Variants in TENM1 observed in about 807,000 individuals in gnomAD.
The protein encoded by TENM1 is teneurin-1.
TENM1 carries 35 observed loss-of-function variants against 174.8 expected under a neutral mutation model. The observed-to-expected ratio is 0.20, with a 90% confidence interval of 0.15 to 0.27. The LOEUF is 0.27. TENM1 is among the 10% of genes least tolerant of loss of function. TENM1 has a pLI of 1.00. For missense variants in TENM1, 1,633 were observed against 2,130.1 expected (o/e 0.77, Z 4.59); for synonymous variants, 781 against 798.7 (o/e 0.98, Z 0.37).
the TENM1 span, among the ~76,000 whole-genome samples, chrX:125,141,394 C>A: frequency 8.9e-6 from 1 of 111,955 alleles, no homozygotes; most frequent in East Asian, 2.8e-4. Context: ...AAAAACTATG[C>A]ACTCACAGAG....
At chrX:124,827,813 C>A (rs1361350978) in intron 3 of TENM1, among the ~76,000 whole-genome samples, 1 of 112,121 alleles carries the variant, frequency 8.9e-6, no homozygotes, top group East Asian at 2.8e-4. Context: ...AAGAAATTAA[C>A]ATACAACTTA....
chrX:125,081,837 G>A, the TENM1 span, among the ~76,000 whole-genome samples: 1 of 111,072 alleles, frequency 9.0e-6, no homozygotes, highest in African/African-American at 3.3e-5. Flanking sequence ...CTTGTTTTTT[G>A]CAGCAATATG....
chrX:124,976,919 C>G, the TENM1 span, among the ~76,000 whole-genome samples: 2 of 112,047 alleles, frequency 1.8e-5, no homozygotes, highest in Non-Finnish European at 3.8e-5. Flanking sequence ...GAACATAGCA[C>G]AAATAGAACT....
intron 23 of TENM1, among the ~76,000 whole-genome samples, chrX:124,450,791 G>T (rs1052720488): frequency 3.6e-5 from 4 of 111,812 alleles, no homozygotes; most frequent in African/African-American, 1.3e-4. Context: ...TTTCCCCTTT[G>T]CCAGTGACTG....
intron 13 of TENM1, among the ~76,000 whole-genome samples, chrX:124,562,140 A>G (rs1003646329): frequency 1.8e-5 from 2 of 111,810 alleles, no homozygotes; most frequent in Non-Finnish European, 3.8e-5. Context: ...CCTCATCTCA[A>G]TCAAAACTAT....
intron 6 of TENM1, among the ~76,000 whole-genome samples, chrX:124,665,560 T>A (rs1446769042): frequency 1.8e-5 from 2 of 112,664 alleles, no homozygotes; most frequent in African/African-American, 6.4e-5. Context: ...TTACAAACTT[T>A]ATAGATATAC....
chrX:124,997,381 A>G, the TENM1 span, among the ~76,000 whole-genome samples: 6 of 111,486 alleles, frequency 5.4e-5, no homozygotes, highest in African/African-American at 2.0e-4. Context: ...TGGATGCTCA[A>G]CTACAGAAAT....
intron 3 of TENM1, among the ~76,000 whole-genome samples, chrX:124,884,711 T>C (rs2057354818): frequency 8.9e-6 from 1 of 112,063 alleles, no homozygotes; most frequent in African/African-American, 3.2e-5. Flanking sequence ...TTACTAGCTA[T>C]TTTGGTTCTT....
chrX:124,872,531 T>C (rs2057129762), intron 3 of TENM1, among the ~76,000 whole-genome samples: 1 of 112,314 alleles, frequency 8.9e-6, no homozygotes. Context: ...GTATCAACTT[T>C]GGTGAATAAG....
intron 18 of TENM1, among the ~76,000 whole-genome samples, chrX:124,518,247 T>G (rs965272419): frequency 9.1e-6 from 1 of 109,926 alleles, no homozygotes; most frequent in Non-Finnish European, 1.9e-5. Flanking sequence ...TACCCTGAGT[T>G]TGTTCTCTTT....
At chrX:124,639,460 T>C (rs909208309) in intron 11 of TENM1, among the ~76,000 whole-genome samples, 11 of 112,244 alleles carry the variant, frequency 9.8e-5, no homozygotes, top group African/African-American at 3.6e-4. Flanking sequence ...TTGTGCTCTG[T>C]GACACAGGGC....
the TENM1 span, among the ~76,000 whole-genome samples, chrX:124,997,532 A>G: frequency 1.1e-3 from 126 of 111,854 alleles, no homozygotes; most frequent in Non-Finnish European, 1.7e-3. Context: ...CTGTTTCATT[A>G]CTTTGCATAA....
At chrX:124,604,886 G>T (rs7883154) in intron 11 of TENM1, among the ~76,000 whole-genome samples, 3,883 of 109,386 alleles carry the variant, frequency 0.035, 185 homozygotes, top group African/African-American at 0.12. Flanking sequence ...TAGAAGCGTT[G>T]TTTAAATAGA....
chrX:124,715,455 T>C (rs2053155625), intron 4 of TENM1, among the ~76,000 whole-genome samples: 1 of 111,322 alleles, frequency 9.0e-6, no homozygotes, highest in Non-Finnish European at 1.9e-5. Flanking sequence ...TGAAAGTCAG[T>C]TCCCAATTTT....
chrX:125,042,437 TCAAGAA>T, the TENM1 span, among the ~76,000 whole-genome samples: 1 of 111,578 alleles, frequency 9.0e-6, no homozygotes, highest in Non-Finnish European at 1.9e-5. Context: ...AGCAGAATTG[TCAAGAA>T]CACAATCTTG....
At chrX:124,474,390 C>T (rs890074063) in intron 22 of TENM1, among the ~76,000 whole-genome samples, 2 of 111,255 alleles carry the variant, frequency 1.8e-5, no homozygotes, top group African/African-American at 6.5e-5. Context: ...CTGGGATTTG[C>T]CTCCATTTCT....
intron 1 of TENM1, among the ~76,000 whole-genome samples, chrX:124,923,354 A>G (rs2058049786): frequency 1.8e-5 from 2 of 111,594 alleles, no homozygotes; most frequent in Non-Finnish European, 3.8e-5. Context: ...CAGTTTCATC[A>G]TTTTGTTTAA....
At chrX:124,662,769 C>T (rs747526116) in intron 6 of TENM1, among the ~76,000 whole-genome samples, 1 of 111,826 alleles carries the variant, frequency 8.9e-6, no homozygotes, top group Admixed American at 9.5e-5. Context: ...GTATTTTAAT[C>T]TTCTTTCTTT....
intron 18 of TENM1, among the ~76,000 whole-genome samples, chrX:124,510,632 A>G (rs1296061184): frequency 8.9e-6 from 1 of 111,886 alleles, no homozygotes; most frequent in Non-Finnish European, 1.9e-5. Context: ...TGATTTGGAA[A>G]ATAAGTCACA....
Sources: allele counts gnomAD v4.1 joint callset (sites outside exome capture counted in the v4.1 genomes callset), GRCh38; gene constraint gnomAD v4.1.1; transcripts MANE v1.5; gene names NCBI Gene and HGNC (gene_info 2026-07-23, HGNC 2026-07-21).